FOCAD: variants seen among roughly 807,000 people sequenced by gnomAD.
FOCAD encodes the protein focadhesin.
In FOCAD, 198 loss-of-function variants were observed where a neutral mutation model predicts 225.6. The observed-to-expected ratio is 0.88, with a 90% CI of 0.78 to 0.99. The LOEUF is 0.99. Ranked by LOEUF, FOCAD falls within the 50% of genes least tolerant of loss-of-function variation. The pLI, the probability that FOCAD is intolerant of heterozygous loss-of-function variation, is 0.00. For missense variants in FOCAD, 2,713 were observed against 2,123.6 expected (o/e 1.28, Z -5.46); for synonymous variants, 897 against 755.0 (o/e 1.19, Z -3.08).
intron 21 of FOCAD, among the ~76,000 whole-genome samples, chr9:20,888,092 T>A (rs1214293187): frequency 6.6e-6 from 1 of 150,958 alleles, no homozygotes. Context: ...TTTTTTTTTT[T>A]ACTTAGTGTG....
intron 43 of FOCAD, among the ~76,000 whole-genome samples, chr9:20,994,333 G>A (rs998501582): frequency 2.6e-5 from 4 of 152,228 alleles, no homozygotes; most frequent in South Asian, 4.1e-4. Context: ...GGCATTGGCC[G>A]TATGGACTAC....
intron 15 of FOCAD, among the ~76,000 whole-genome samples, chr9:20,830,712 C>T (rs566406528): frequency 6.6e-6 from 1 of 152,176 alleles, no homozygotes; most frequent in African/African-American, 2.4e-5. Flanking sequence ...GGGTCTTGCT[C>T]TGACGGCCAT....
intron 5 of FOCAD, among the ~76,000 whole-genome samples, chr9:20,750,325 G>C (rs1248613050): frequency 6.6e-6 from 1 of 152,154 alleles, no homozygotes; most frequent in Admixed American, 6.6e-5. Context: ...CAGCTTTCAT[G>C]CTGCTTATGC....
At chr9:20,680,288 G>C (rs1250430298), upstream of FOCAD, among the ~76,000 whole-genome samples, 1 of 152,180 alleles carries the variant, frequency 6.6e-6, no homozygotes, top group Non-Finnish European at 1.5e-5. Flanking sequence ...GTCCGGGTGC[G>C]ATGGCTCATG....
chr9:20,843,534 A>G (rs1826765241), intron 15 of FOCAD, among the ~76,000 whole-genome samples: 1 of 151,996 alleles, frequency 6.6e-6, no homozygotes, highest in South Asian at 2.1e-4. Context: ...AGGATCCTTT[A>G]AAAATCCTTA....
Position 20,976,397 on chromosome 9 carries a change from T to G in FOCAD, c.4133-23T>G, listed in dbSNP as rs1344290750. Reference sequence around the variant, plus strand: ...ATGATAGTATGCAGGTGTTTTACTATTATTTTTCACTGTCTGTTATAGGTC... The same window carrying G: ...ATGATAGTATGCAGGTGTTTTACTAGTATTTTTCACTGTCTGTTATAGGTC... On this transcript the variant is annotated intron_variant, in intron 35 of 43. Coordinates refer to ENST00000338382, the MANE Select transcript of FOCAD (RefSeq NM_001375567.1). 3 of 1,609,182 alleles carry G rather than the reference T, an allele frequency of 1.9e-6. No individual in the cohort carries two copies. The East Asian group carries it at 6.7e-5, about 36-fold the overall frequency.
chr9:20,835,933 A>T (rs2131532435), intron 15 of FOCAD, among the ~76,000 whole-genome samples: 1 of 152,198 alleles, frequency 6.6e-6, no homozygotes, highest in East Asian at 1.9e-4. Context: ...GGGATTCTTG[A>T]CCGCTAGAAG....
At chr9:20,928,375 T>G (rs1273013149) in intron 26 of FOCAD, among the ~76,000 whole-genome samples, 2 of 152,324 alleles carry the variant, frequency 1.3e-5, no homozygotes, top group East Asian at 1.9e-4. Context: ...TTAGTACGTT[T>G]GATTTTTATC....
Position 20,983,836 on chromosome 9 carries a change from T to C in FOCAD, c.4728+1390T>C, listed in dbSNP as rs564015192. ...TTTGAGAGTTCAGTGAGTTAGTCCA[T>C]GTTGAGTATTTGGAATACTGCCTGG... On this transcript the variant is annotated intron_variant, in intron 39 of 43. Coordinates refer to ENST00000338382, the MANE Select transcript of FOCAD (RefSeq NM_001375567.1). Among the ~76,000 whole-genome samples the C allele has an allele frequency of 5.4e-4, 82 of 152,316 alleles. 1 individual carries two copies. Among genetic ancestry groups the C allele is most frequent in the Middle Eastern group, 6.8e-3 (2 of 294 alleles).
intron 11 of FOCAD, among the ~76,000 whole-genome samples, chr9:20,801,601 A>T (rs576692616): frequency 6.6e-6 from 1 of 152,194 alleles, no homozygotes; most frequent in African/African-American, 2.4e-5. Flanking sequence ...TTTTTATTTT[A>T]TACTTGACAT....
At chr9:20,931,326 G>A (rs1014791936) in intron 27 of FOCAD, among the ~76,000 whole-genome samples, 3 of 152,090 alleles carry the variant, frequency 2.0e-5, no homozygotes, top group Admixed American at 6.5e-5. Flanking sequence ...TTGCCCTAAC[G>A]TTCCTGTGTT....
intron 35 of FOCAD, among the ~76,000 whole-genome samples, chr9:20,956,150 A>C (rs1332147142): frequency 6.6e-6 from 1 of 152,230 alleles, no homozygotes; most frequent in Non-Finnish European, 1.5e-5. Context: ...AGGTAGGCAT[A>C]TGCTCCTTCA....
intron 2 of FOCAD, among the ~76,000 whole-genome samples, chr9:20,672,643 G>A (rs888511931): frequency 6.6e-5 from 10 of 152,270 alleles, no homozygotes; most frequent in South Asian, 2.1e-4. Context: ...TAGAGACAGG[G>A]TCTCGCCACA....
chr9:20,838,431 GC>G (rs1826199864), intron 15 of FOCAD, among the ~76,000 whole-genome samples: 1 of 151,994 alleles, frequency 6.6e-6, no homozygotes, highest in African/African-American at 2.4e-5. Context: ...ATGGCACACT[GC>G]CTCTACTTAT....
intron 11 of FOCAD, among the ~76,000 whole-genome samples, chr9:20,818,985 C>T (rs1396850769): frequency 6.6e-6 from 1 of 152,060 alleles, no homozygotes; most frequent in Non-Finnish European, 1.5e-5. Context: ...AATGTTATGT[C>T]TTCTAATCCA....
intron 27 of FOCAD, among the ~76,000 whole-genome samples, chr9:20,932,186 C>T (rs893828591): frequency 7.2e-5 from 11 of 152,030 alleles, no homozygotes; most frequent in African/African-American, 1.7e-4. Context: ...GAGGGGTGTG[C>T]GTGTGGGCAT....
Position 20,932,931 on chromosome 9 carries a change from T to A in FOCAD, c.3318-83T>A, listed in dbSNP as rs561510834. On this transcript the variant is annotated intron_variant, in intron 27 of 43. Coordinates refer to ENST00000338382, the MANE Select transcript of FOCAD (RefSeq NM_001375567.1). ...AAATGCTGGTATTTCCAGTAAAATA[T>A]TGAGAGTATAATATTGTATTCAGTA... is the stretch of plus-strand genomic sequence containing the variant. The A allele has an allele frequency of 1.2e-5, 11 of 953,174 alleles. No homozygotes were observed. The East Asian group carries it at 2.7e-4, about 24-fold the overall frequency. The allele number at this position is 953,174 out of a possible 1,614,324, so 59.0% of individuals were successfully genotyped here.
chr9:20,799,694 T>A (rs1821569398), intron 11 of FOCAD, among the ~76,000 whole-genome samples: 1 of 152,174 alleles, frequency 6.6e-6, no homozygotes, highest in Non-Finnish European at 1.5e-5. Flanking sequence ...GTTTTCCATT[T>A]GCTTGGTAGA....
In FOCAD at chr9:20,720,511, A is replaced by G. The variant is rs1255686412; in HGVS notation, c.264A>G (p.Ile88Met). ...AGTTCAGCTATGTTCTCAATGGGAT[A>G]CTCAACTTGATTCCATCAACCAGGT... ...HAEFSYVLNG[I>M]LNLIPSTRNT... Residue 88 changes from isoleucine to methionine, a missense_variant, in exon 4 of 44, where the codon ATA becomes ATG. Physicochemically the swap from Ile to Met is conservative, Grantham distance 10. Coordinates refer to ENST00000338382, the MANE Select transcript of FOCAD (RefSeq NM_001375567.1). 4 of 1,613,916 alleles carry G rather than the reference A, an allele frequency of 2.5e-6. No individual in the cohort carries two copies. Among genetic ancestry groups the G allele is most frequent in the East Asian group, 4.5e-5 (2 of 44,870 alleles).
Sources: gnomAD v4.1 joint callset for allele counts (sites outside exome capture counted in the v4.1 genomes callset) on GRCh38, gnomAD v4.1.1 for gene constraint, MANE v1.5 for transcripts, NCBI Gene and HGNC (gene_info 2026-07-23, HGNC 2026-07-21) for gene names.